The following DCUN1D4 variants were observed in gnomAD, a reference collection of about 807,000 sequenced individuals.
DCUN1D4 encodes DCN1-like protein 4.
In DCUN1D4, 22 loss-of-function variants were observed where a neutral mutation model predicts 47.9. That is an observed-to-expected ratio of 0.46 (90% CI 0.33 to 0.66). The LOEUF is 0.66. Ranked by LOEUF, DCUN1D4 falls within the 30% of genes least tolerant of loss-of-function variation. DCUN1D4 has a pLI of 0.02. For missense variants in DCUN1D4, 301 were observed against 340.8 expected, an observed-to-expected ratio of 0.88 and a Z score of 0.92; for synonymous variants, 121 against 112.2, an observed-to-expected ratio of 1.08 and a Z score of -0.50.
At chr4:51,876,311 G>C (rs977888266) in intron 4 of DCUN1D4, among the ~76,000 whole-genome samples, 1 of 151,580 alleles carries the variant, frequency 6.6e-6, no homozygotes, top group Non-Finnish European at 1.5e-5. Context: ...GCAAACTATC[G>C]CAAGGACAAA....
chr4:51,913,205 A>G (rs1733959128), intron 9 of DCUN1D4, 85 bp from the exon 10 acceptor site: 2 of 828,770 alleles, frequency 2.4e-6, no homozygotes, highest in Non-Finnish European at 3.8e-6. Flanking sequence ...CATGAACTTA[A>G]TTAAGTTGAT....
chr4:51,890,154 G>A, intron 6 of DCUN1D4, among the ~76,000 whole-genome samples: 1 of 152,040 alleles, frequency 6.6e-6, no homozygotes, highest in East Asian at 1.9e-4. Context: ...TTGGCAGACA[G>A]ATTAAAAAGA....
At chr4:51,887,817 GGCCCCCA>G (rs1314065553) in intron 6 of DCUN1D4, among the ~76,000 whole-genome samples, 1 of 150,466 alleles carries the variant, frequency 6.6e-6, no homozygotes, top group Non-Finnish European at 1.5e-5. Flanking sequence ...CATCTATCTT[GGCCCCCA>G]GCAGTGCTTT....
chr4:51,863,015 A>C lies in DCUN1D4; in HGVS notation c.26-422A>C, dbSNP rs1375107877. 3.3e-5 allele frequency among the ~76,000 whole-genome samples: 5 copies of C among 152,324 alleles called. No homozygotes were observed. In the East Asian group the frequency reaches 9.7e-4, roughly 29 times the overall value. ...AACGTAGTGAGATCCTGTCTCAAAA[A>C]AAGGAAAAGAAAAAATAAATACTAA... On this transcript the variant is annotated intron_variant, in intron 1 of 10. Coordinates refer to ENST00000334635, the MANE Select transcript of DCUN1D4 (RefSeq NM_001040402.3).
intron 7 of DCUN1D4, among the ~76,000 whole-genome samples, chr4:51,897,481 G>A (rs373661738): frequency 2.0e-5 from 3 of 152,154 alleles, no homozygotes; most frequent in East Asian, 1.9e-4. Context: ...GAGAAAATAC[G>A]TATTCAGTGT....
chr4:51,850,277 C>G (rs567873936), intron 1 of DCUN1D4, among the ~76,000 whole-genome samples: 3 of 152,032 alleles, frequency 2.0e-5, no homozygotes, highest in African/African-American at 7.3e-5. Context: ...AATACTTTGC[C>G]GCACAGAAGT....
chr4:51,850,388 T>C (rs1002396525), intron 1 of DCUN1D4, among the ~76,000 whole-genome samples: 1 of 152,194 alleles, frequency 6.6e-6, no homozygotes, highest in Non-Finnish European at 1.5e-5. Flanking sequence ...GTTTTCTCCC[T>C]GGATGTGATG....
chr4:51,856,266 G>C (rs1331815724), intron 1 of DCUN1D4, among the ~76,000 whole-genome samples: 1 of 152,110 alleles, frequency 6.6e-6, no homozygotes, highest in Non-Finnish European at 1.5e-5. Flanking sequence ...GCATAATACT[G>C]TTTAAAACTT....
chr4:51,901,022 C>T (rs1391751689), intron 8 of DCUN1D4, among the ~76,000 whole-genome samples: 1 of 152,112 alleles, frequency 6.6e-6, no homozygotes, highest in African/African-American at 2.4e-5. Context: ...TTCTTGGTGC[C>T]TCCACTGCAG....
In DCUN1D4 at chr4:51,914,999, C is replaced by T. The variant is rs890649620; in HGVS notation, c.*1415C>T. The T allele has an allele frequency of 1.3e-5, 2 of 152,150 alleles. No homozygotes were observed. The highest frequency in any genetic ancestry group is 2.4e-5 in the African/African-American group (1 of 41,312). The allele number at this position is 152,150 out of a possible 1,614,324, so 9.4% of individuals were successfully genotyped here. A position where few individuals can be genotyped will look rare whatever the true frequency, so the allele number is the denominator to read the frequency against. ...GTGCATTTGAACAAGTAAATGCTGT[C>T]GTGGTCAGCAAGATCCGTGATTTGA... On this transcript the variant is annotated 3_prime_UTR_variant, in exon 11 of 11. Transcript: ENST00000334635.
chr4:51,866,976 T>A (rs1213045948), intron 3 of DCUN1D4, among the ~76,000 whole-genome samples: 1 of 152,182 alleles, frequency 6.6e-6, no homozygotes, highest in Non-Finnish European at 1.5e-5. Flanking sequence ...CTGGCCTGGA[T>A]CCCACACCTG....
At chr4:51,870,935 T>C (rs1457395357) in intron 3 of DCUN1D4, among the ~76,000 whole-genome samples, 1 of 152,160 alleles carries the variant, frequency 6.6e-6, no homozygotes, top group Non-Finnish European at 1.5e-5. Context: ...AGCTGTGCTG[T>C]GTGGTCCTAA....
At chr4:51,852,343 C>T (rs1186790691) in intron 1 of DCUN1D4, among the ~76,000 whole-genome samples, 1 of 152,192 alleles carries the variant, frequency 6.6e-6, no homozygotes, top group Non-Finnish European at 1.5e-5. Flanking sequence ...TAGGAGATCT[C>T]AACGACATTG....
chr4:51,886,965 G>A lies in DCUN1D4; in HGVS notation c.414+327G>A, dbSNP rs548435436. ...GCCACATTGTACGCTGTGTACCTTC[G>A]TGCCCCTCAGTAGTTGTTTTAGCCT... On this transcript the variant is annotated intron_variant, in intron 6 of 10. Transcript: ENST00000334635. 3.2e-4 allele frequency: 134 copies of A among 418,474 alleles called. 1 individual carries two copies. The highest frequency in any genetic ancestry group is 2.4e-3 in the African/African-American group (119 of 48,870). 25.9% of individuals were successfully genotyped at this position (418,474 alleles called of 1,614,324 possible).
chr4:51,887,291 A>T, intron 6 of DCUN1D4: 1 of 330,148 alleles, frequency 3.0e-6, no homozygotes, highest in Non-Finnish European at 5.9e-6. Context: ...TTTAGTAGAG[A>T]TGGGATTTCA....
chr4:51,868,348 C>T (rs1406589488), intron 3 of DCUN1D4, among the ~76,000 whole-genome samples: 3 of 152,248 alleles, frequency 2.0e-5, no homozygotes, highest in Non-Finnish European at 2.9e-5. Context: ...TCCTCCACTG[C>T]AGCCCACCTC....
chr4:51,911,071 A>C lies in DCUN1D4; in HGVS notation c.617A>C (p.Glu206Ala), dbSNP rs781452001. The C allele has an allele frequency of 6.2e-7, 1 of 1,613,230 alleles. No individual in the cohort carries two copies. Among genetic ancestry groups the C allele is most frequent in the Admixed American group, 1.7e-5 (1 of 59,918 alleles). Residue 206 changes from glutamate (E) to alanine (A), a missense_variant and splice_region_variant, in exon 9 of 11, where the codon GAA (glutamate) becomes GCA (alanine). Physicochemically the swap from Glu to Ala is moderately radical, Grantham distance 107. This residue lies in a region of DCUN1D4 where 170 missense variants were observed against 234.5 expected (regional missense o/e 0.73). Coordinates refer to ENST00000334635, the MANE Select transcript of DCUN1D4 (RefSeq NM_001040402.3). The part of the protein sequence containing the change: ...IYRYAFDFAR[E>A]KDQRSLDINT... ...TCCTTGTTTTTGTTTGTTAAACAGG[A>C]AAAGGACCAGCGCAGCCTAGACATA...
At chr4:51,877,552 T>G (rs548661237) in intron 4 of DCUN1D4, 1 of 361,780 alleles carries the variant, frequency 2.8e-6, no homozygotes, top group East Asian at 4.8e-5. Flanking sequence ...AAACTTGTAT[T>G]AAGTGCTTAC....
chr4:51,914,852 G>A lies in DCUN1D4; in HGVS notation c.*1268G>A, dbSNP rs1417330535. ...TTTTTTTTTTTTTTTTGCCATTCTT[G>A]AGGAAATATAGAGATGACATGTTTT... On this transcript the variant is annotated 3_prime_UTR_variant, in exon 11 of 11. Coordinates refer to ENST00000334635, the MANE Select transcript of DCUN1D4 (RefSeq NM_001040402.3). 1 of 104,680 alleles carries A rather than the reference G, an allele frequency of 9.6e-6. No individual in the cohort carries two copies. Among genetic ancestry groups the A allele is most frequent in the Non-Finnish European group, 2.0e-5 (1 of 48,914 alleles). 6.5% of individuals were successfully genotyped at this position (104,680 alleles called of 1,614,324 possible).
Sources: gnomAD v4.1 joint callset for allele counts (sites outside exome capture counted in the v4.1 genomes callset) on GRCh38, gnomAD v4.1.1 for gene constraint, gnomAD v4.1.1 regional missense constraint, MANE v1.5 for transcripts, NCBI Gene and HGNC (gene_info 2026-07-23, HGNC 2026-07-21) for gene names.